FHIT: variants seen among roughly 807,000 people sequenced by gnomAD.
FHIT encodes bis(5'-adenosyl)-triphosphatase.
A neutral mutation model predicts 17.9 loss-of-function variants in FHIT; 19 were observed. The ratio of observed to expected loss-of-function variants is 1.06; its 90% CI spans 0.74 to 1.56. The LOEUF is 1.56. Among genes scored for constraint, FHIT ranks in the 40% most tolerant of loss-of-function variants. FHIT has a pLI of 0.00. For missense variants in FHIT, 248 were observed against 189.2 expected, an observed-to-expected ratio of 1.31 and a Z score of -1.82; for synonymous variants, 81 against 69.7, an observed-to-expected ratio of 1.16 and a Z score of -0.81.
At chr3:59,756,168 T>A (rs1349019) in intron 8 of FHIT, among the ~76,000 whole-genome samples, 34,264 of 152,096 alleles carry the variant, frequency 0.23, 4,308 homozygotes, top group South Asian at 0.35. Flanking sequence ...AGTAAAAGTA[T>A]TTTTCATCTC....
chr3:60,985,575 G>A (rs1203894507), intron 3 of FHIT, among the ~76,000 whole-genome samples: 1 of 152,114 alleles, frequency 6.6e-6, no homozygotes, highest in Non-Finnish European at 1.5e-5. Context: ...GTACAGACGG[G>A]TACAATTCCT....
chr3:60,813,318 A>G (rs548548702), intron 4 of FHIT, among the ~76,000 whole-genome samples: 1 of 151,994 alleles, frequency 6.6e-6, no homozygotes, highest in African/African-American at 2.4e-5. Context: ...CTTTTAATAA[A>G]TTGCCCAATC....
At chr3:59,981,758 A>C (rs939945005) in intron 7 of FHIT, among the ~76,000 whole-genome samples, 3 of 152,178 alleles carry the variant, frequency 2.0e-5, no homozygotes, top group African/African-American at 7.2e-5. Context: ...ATGTGAAATG[A>C]GGCAAATATG....
At chr3:61,036,905 T>TGC (rs71100938) in intron 3 of FHIT, among the ~76,000 whole-genome samples, 1 of 113,072 alleles carries the variant, frequency 8.8e-6, no homozygotes, top group Admixed American at 9.6e-5. Flanking sequence ...TGCTTTGTTT[T>TGC]TTTTTTTTGT....
At chr3:60,899,453 G>A (rs187711816) in intron 3 of FHIT, among the ~76,000 whole-genome samples, 9 of 152,236 alleles carry the variant, frequency 5.9e-5, no homozygotes, top group Non-Finnish European at 1.2e-4. Context: ...TTCTCTCACT[G>A]TTGTATTTTT....
chr3:60,225,985 C>A (rs572720826), intron 5 of FHIT, among the ~76,000 whole-genome samples: 1 of 152,080 alleles, frequency 6.6e-6, no homozygotes, highest in African/African-American at 2.4e-5. Context: ...AGGCTGGGCG[C>A]TCTGTTTATA....
intron 5 of FHIT, among the ~76,000 whole-genome samples, chr3:60,146,584 G>A (rs1700251521): frequency 6.6e-6 from 1 of 152,156 alleles, no homozygotes; most frequent in African/African-American, 2.4e-5. Context: ...GAGGAATGAA[G>A]TATTCTGATC....
intron 2 of FHIT, among the ~76,000 whole-genome samples, chr3:61,080,049 A>C (rs1393713045): frequency 6.6e-6 from 1 of 152,168 alleles, no homozygotes; most frequent in African/African-American, 2.4e-5. Context: ...ATAAATTTAC[A>C]CTGGAATAGA....
intron 3 of FHIT, among the ~76,000 whole-genome samples, chr3:61,041,282 C>T (rs2033500607): frequency 6.6e-6 from 1 of 151,798 alleles, no homozygotes; most frequent in Non-Finnish European, 1.5e-5. Flanking sequence ...GAGGCTGAGG[C>T]AGGACAATCA....
intron 7 of FHIT, among the ~76,000 whole-genome samples, chr3:59,986,540 T>TATATACACACAC (rs1473518719): frequency 2.4e-4 from 3 of 12,448 alleles, no homozygotes; most frequent in African/African-American, 7.1e-4. Context: ...TATATATATA[T>TATATACACACAC]ACACACACAC....
intron 4 of FHIT, among the ~76,000 whole-genome samples, chr3:60,748,447 A>G (rs2042401505): frequency 1.3e-5 from 2 of 152,172 alleles, no homozygotes; most frequent in South Asian, 2.1e-4. Context: ...TCCATCGGAT[A>G]CCAGAATCCA....
chr3:59,774,499 A>G (rs920725707), intron 8 of FHIT, among the ~76,000 whole-genome samples: 2 of 152,228 alleles, frequency 1.3e-5, no homozygotes, highest in Non-Finnish European at 1.5e-5. Context: ...ATGAGCATAC[A>G]TACCTAACAG....
chr3:60,090,330 T>C (rs1238842114), intron 5 of FHIT, among the ~76,000 whole-genome samples: 1 of 152,178 alleles, frequency 6.6e-6, no homozygotes, highest in South Asian at 2.1e-4. Context: ...AGAAATTACT[T>C]TTCAGACCAT....
chr3:60,334,132 T>G (rs1184278363), intron 5 of FHIT, among the ~76,000 whole-genome samples: 1 of 152,226 alleles, frequency 6.6e-6, no homozygotes, highest in African/African-American at 2.4e-5. Flanking sequence ...TGGAAGGACC[T>G]AGACTGAACC....
At chr3:60,250,131 A>G (rs1705619511) in intron 5 of FHIT, among the ~76,000 whole-genome samples, 1 of 152,084 alleles carries the variant, frequency 6.6e-6, no homozygotes, top group South Asian at 2.1e-4. Flanking sequence ...AAAAAAGGGG[A>G]AAGAGAAAAA....
At chr3:60,648,364 C>T (rs1219990274) in intron 4 of FHIT, among the ~76,000 whole-genome samples, 2 of 152,086 alleles carry the variant, frequency 1.3e-5, no homozygotes, top group African/African-American at 4.8e-5. Context: ...ATTTTTCTAA[C>T]AGGGTTAACA....
At chr3:61,011,567 C>A (rs2031791029) in intron 3 of FHIT, among the ~76,000 whole-genome samples, 1 of 152,082 alleles carries the variant, frequency 6.6e-6, no homozygotes, top group African/African-American at 2.4e-5. Flanking sequence ...TGTATAAAGT[C>A]TTCCAACTGG....
intron 5 of FHIT, among the ~76,000 whole-genome samples, chr3:60,089,333 TGTTG>T (rs1703631898): frequency 6.6e-6 from 1 of 152,226 alleles, no homozygotes; most frequent in Non-Finnish European, 1.5e-5. Flanking sequence ...TTTTTTTTGT[TGTTG>T]GTGGTATCCT....
At chr3:60,168,297 C>A (rs1303705325) in intron 5 of FHIT, among the ~76,000 whole-genome samples, 1 of 152,174 alleles carries the variant, frequency 6.6e-6, no homozygotes, top group Non-Finnish European at 1.5e-5. Flanking sequence ...TGTAATTAAT[C>A]TAACACATGG....
Sources: allele counts gnomAD v4.1 joint callset (sites outside exome capture counted in the v4.1 genomes callset), GRCh38; gene constraint gnomAD v4.1.1; transcripts MANE v1.5; gene names NCBI Gene and HGNC (gene_info 2026-07-23, HGNC 2026-07-21).